The following NREP variants were observed in gnomAD, a reference collection of about 807,000 sequenced individuals.
NREP encodes neuronal regeneration related protein.
A neutral mutation model predicts 8.6 loss-of-function variants in NREP; 5 were observed. The observed-to-expected ratio is 0.58, with a 90% confidence interval of 0.30 to 1.22. The LOEUF is 1.22. Among genes scored for constraint, NREP ranks in the 50% most tolerant of loss-of-function variants. The probability of loss-of-function intolerance (pLI) is 0.07; values close to 1 mark genes in which losing one functional copy is unlikely to be tolerated. For missense variants in NREP, 86 were observed against 82.5 expected (o/e 1.04, Z -0.17); for synonymous variants, 27 against 28.0 (o/e 0.96, Z 0.11).
rs562349824 is a variant in NREP, at chr5:111,965,751, A to C, written c.135+9523T>G. Among the ~76,000 whole-genome samples the C allele has an allele frequency of 2.6e-5, 4 of 152,346 alleles. No homozygotes were observed. In the South Asian group the frequency reaches 6.2e-4, roughly 24 times the overall value. ...AAAATAACAGTTTGCTAACATCAAC[A>C]AATATACTGTCAATGTTCAAATTTC... On this transcript the variant is annotated intron_variant, in intron 2 of 3. Transcript: ENST00000395634.
intron 2 of NREP, among the ~76,000 whole-genome samples, chr5:111,795,724 T>C (rs1173847208): frequency 6.6e-6 from 1 of 152,314 alleles, no homozygotes; most frequent in South Asian, 2.1e-4. Flanking sequence ...CTAATCTTTC[T>C]AGGGTTAAAT....
chr5:111,933,710 G>A (rs1755605456), intron 2 of NREP, among the ~76,000 whole-genome samples: 1 of 152,080 alleles, frequency 6.6e-6, no homozygotes, highest in Non-Finnish European at 1.5e-5. Flanking sequence ...GCAAGTCTGA[G>A]AAGGGTATCA....
chr5:111,771,630 G>A (rs1356687413), intron 2 of NREP, among the ~76,000 whole-genome samples: 4 of 151,990 alleles, frequency 2.6e-5, no homozygotes, highest in African/African-American at 9.7e-5. Flanking sequence ...GGGAGTGGTG[G>A]CACATGCCTG....
exon 1 of NREP, chr5:111,976,749 G>C (rs548503244): frequency 6.4e-7 from 1 of 1,550,500 alleles, no homozygotes; most frequent in African/African-American, 1.4e-5. Flanking sequence ...TTCCAGTCCT[G>C]TTACTGCTTG....
At chr5:111,952,266 A>G (rs1305515906) in intron 2 of NREP, among the ~76,000 whole-genome samples, 1 of 152,120 alleles carries the variant, frequency 6.6e-6, no homozygotes, top group Non-Finnish European at 1.5e-5. Context: ...ATCTACACCT[A>G]AGGCCAGCCA....
At chr5:111,883,167 G>C (rs1290727665) in intron 2 of NREP, among the ~76,000 whole-genome samples, 1 of 152,060 alleles carries the variant, frequency 6.6e-6, no homozygotes, top group African/African-American at 2.4e-5. Flanking sequence ...AAAAGGCAGG[G>C]GTTGCAATGC....
chr5:111,741,902 G>A (rs913695208), intron 2 of NREP, among the ~76,000 whole-genome samples: 1 of 151,490 alleles, frequency 6.6e-6, no homozygotes, highest in Non-Finnish European at 1.5e-5. Flanking sequence ...TACAGAGTAT[G>A]CATTATGAAC....
chr5:111,939,347 G>C (rs560295173), intron 2 of NREP, among the ~76,000 whole-genome samples: 3 of 152,122 alleles, frequency 2.0e-5, no homozygotes, highest in South Asian at 4.2e-4. Context: ...ATCATTTCTG[G>C]CAGAGCCAGG....
chr5:111,959,387 G>A (rs1493453), intron 2 of NREP, among the ~76,000 whole-genome samples: 55,499 of 151,588 alleles, frequency 0.37, 10,577 homozygotes, highest in South Asian at 0.56. Flanking sequence ...TCTGATCTGG[G>A]TGATTACACT....
At chr5:111,806,387 G>A (rs879276414) in intron 2 of NREP, among the ~76,000 whole-genome samples, 28 of 152,234 alleles carry the variant, frequency 1.8e-4, no homozygotes, top group Non-Finnish European at 3.5e-4. Context: ...TTAAAAATGT[G>A]TTACTCTTCA....
At chr5:111,771,584 G>A (rs906590080) in intron 2 of NREP, among the ~76,000 whole-genome samples, 1 of 152,008 alleles carries the variant, frequency 6.6e-6, no homozygotes, top group Non-Finnish European at 1.5e-5. Context: ...CCAACATGGA[G>A]AAAACTCGTC....
At chr5:111,901,864 G>A (rs765405803) in intron 2 of NREP, among the ~76,000 whole-genome samples, 1 of 152,054 alleles carries the variant, frequency 6.6e-6, no homozygotes, top group Non-Finnish European at 1.5e-5. Flanking sequence ...TTGTTAAAAC[G>A]ACTGTACTAC....
intron 2 of NREP, among the ~76,000 whole-genome samples, chr5:111,771,426 TACACACAC>T (rs111799670): frequency 0.031 from 4,595 of 147,258 alleles, 141 homozygotes; most frequent in African/African-American, 0.078. Context: ...CATAGTCTTT[TACACACAC>T]ACACACACAC....
rs936257261 is a variant in NREP, at chr5:111,850,552, C to T, written c.136-115045G>A. The stretch of plus-strand genomic sequence containing the variant: ...ATTATTTTTTTTTCTACCTTGTCAG[C>T]CCCAAAATCTTATGGTTAACCTTTA... On this transcript the variant is annotated intron_variant, in intron 2 of 3. Coordinates refer to the NREP transcript ENST00000395634. Among the ~76,000 whole-genome samples the T allele has an allele frequency of 2.0e-5, 3 of 152,040 alleles. No homozygotes were observed. In the East Asian group the frequency reaches 5.8e-4, roughly 29 times the overall value.
In NREP at chr5:111,807,534, T is replaced by G. The variant is rs1752168775; in HGVS notation, c.136-72027A>C. ...CATTTTAAACAAGAAAATTTCTACT[T>G]TTAAGATAGCGGGTTTTAAAGACAA... On this transcript the variant is annotated intron_variant, in intron 2 of 3. Transcript: ENST00000395634. Among the ~76,000 whole-genome samples the G allele has an allele frequency of 3.3e-5, 5 of 152,242 alleles. No individual in the cohort carries two copies. The South Asian group carries it at 8.3e-4, about 25-fold the overall frequency.
At chr5:111,777,422 G>A (rs1379617967) in intron 2 of NREP, among the ~76,000 whole-genome samples, 1 of 151,820 alleles carries the variant, frequency 6.6e-6, no homozygotes, top group African/African-American at 2.4e-5. Context: ...AGTTGTCTCT[G>A]GAGAGGAAAC....
chr5:111,880,932 A>C (rs1280234913), intron 2 of NREP, among the ~76,000 whole-genome samples: 1 of 152,024 alleles, frequency 6.6e-6, no homozygotes, highest in Admixed American at 6.5e-5. Flanking sequence ...TTTCCATCTG[A>C]GGTACCGGGT....
rs562601403 is a variant in NREP, at chr5:111,796,945, A to G, written c.136-61438T>C. Among the ~76,000 whole-genome samples the G allele has an allele frequency of 2.6e-5, 4 of 152,254 alleles. No individual in the cohort carries two copies. The South Asian group carries it at 8.3e-4, about 32-fold the overall frequency. ...CTTGCTGTCCCTGATGTAAAATTTG[A>G]TAATAAAAGGAAAATCTGAAGAACC... On this transcript the variant is annotated intron_variant, in intron 2 of 3. Coordinates refer to the NREP transcript ENST00000395634.
At chr5:111,945,587 T>A (rs1457427510) in intron 2 of NREP, among the ~76,000 whole-genome samples, 1 of 151,828 alleles carries the variant, frequency 6.6e-6, no homozygotes, top group Non-Finnish European at 1.5e-5. Flanking sequence ...TCAGAAAGAA[T>A]ACAAGGGTTT....
Sources: gnomAD v4.1 joint callset for allele counts (sites outside exome capture counted in the v4.1 genomes callset) on GRCh38, gnomAD v4.1.1 for gene constraint, MANE v1.5 for transcripts, NCBI Gene and HGNC (gene_info 2026-07-23, HGNC 2026-07-21) for gene names.